ARHGEF9: variants seen among roughly 807,000 people sequenced by gnomAD.
ARHGEF9 encodes the protein Cdc42 guanine nucleotide exchange factor 9.
Under a neutral mutation model 41.3 loss-of-function variants are expected in ARHGEF9, and 2 were observed. The ratio of observed to expected loss-of-function variants is 0.05; its 90% CI spans 0.02 to 0.15. The LOEUF is 0.15. ARHGEF9 is among the 10% of genes least tolerant of loss of function. The pLI is 1.00. For synonymous variants in ARHGEF9, 160 were observed against 154.4 expected (o/e 1.04, Z -0.27); for missense variants, 225 against 424.7 (o/e 0.53, Z 4.13).
At chrX:63,754,357 CCT>C (rs781897752) in intron 1 of ARHGEF9, 37 of 1,207,122 alleles carry the variant, frequency 3.1e-5, no homozygotes, top group East Asian at 5.9e-5. Context: ...CGTTTTCCCC[CCT>C]GAGTAAGAAA....
chrX:63,724,613 T>C lies in ARHGEF9; in HGVS notation c.129A>G (p.Lys43=). ...AATCCTTGTTGGAAGCATCCAAGAC[T>C]TTGATGACGTCGCCAGCTTTAAATG... is the stretch of plus-strand genomic sequence containing the variant. ...ELAFKAGDVI[K]VLDASNKDWW... Residue 43 remains lysine (K), a synonymous_variant, in exon 2 of 10, where the codon AAA becomes AAG. Coordinates refer to ENST00000671741, the MANE Select transcript of ARHGEF9 (RefSeq NM_001353921.2). 1 of 1,211,402 alleles carries C rather than the reference T, an allele frequency of 8.3e-7. No individual in the cohort carries two copies.
intron 1 of ARHGEF9, chrX:63,727,566 C>G (rs143673276): frequency 8.9e-6 from 1 of 111,812 alleles, no homozygotes; most frequent in Non-Finnish European, 1.9e-5. Flanking sequence ...AAGTAACTTG[C>G]CTACAGTCAT....
chrX:63,728,614 A>C (rs1334340967), intron 1 of ARHGEF9, among the ~76,000 whole-genome samples: 2 of 112,351 alleles, frequency 1.8e-5, no homozygotes, highest in African/African-American at 6.5e-5. Context: ...AGAGTTTCTA[A>C]CTATACAACC....
chrX:63,752,292 T>C (rs1399330407), intron 1 of ARHGEF9, among the ~76,000 whole-genome samples: 1 of 96,992 alleles, frequency 1.0e-5, no homozygotes, highest in Non-Finnish European at 2.0e-5. Flanking sequence ...AATGCCAATG[T>C]TACTGGGAAT....
chrX:63,720,814 A>T (rs1569489334), intron 2 of ARHGEF9, among the ~76,000 whole-genome samples: 4 of 112,550 alleles, frequency 3.6e-5, no homozygotes, highest in African/African-American at 1.3e-4. Context: ...TGCTTCTTTA[A>T]AAATATGAAT....
intron 4 of ARHGEF9, among the ~76,000 whole-genome samples, chrX:63,693,393 C>T (rs1317823736): frequency 2.7e-5 from 3 of 110,477 alleles, no homozygotes; most frequent in East Asian, 2.8e-4. Context: ...GGATGGATCA[C>T]GAGGTCAGGA....
At position 63,706,123 on chromosome X, in the gene ARHGEF9, G is replaced by T; in HGVS notation, c.402+135C>A. The stretch of plus-strand genomic sequence containing the variant: ...GCAGTTTTACCTCACTGACCCTAAG[G>T]AAGCAGTTTCACCTCACTGAACAGA... On this transcript the variant is annotated intron_variant, in intron 3 of 9. Transcript: ENST00000671741. 3 of 642,506 alleles carry T rather than the reference G, an allele frequency of 4.7e-6. No individual in the cohort carries two copies. The South Asian group carries it at 8.5e-5, about 18-fold the overall frequency. The allele number at this position is 642,506 out of a possible 1,213,427, so 52.9% of individuals were successfully genotyped here. A position where few individuals can be genotyped will look rare whatever the true frequency, so the allele number is the denominator to read the frequency against.
chrX:63,659,818 C>G (rs781888884), intron 7 of ARHGEF9, among the ~76,000 whole-genome samples: 1 of 111,813 alleles, frequency 8.9e-6, no homozygotes, highest in African/African-American at 3.2e-5. Context: ...CCTAAATGCT[C>G]TGCATTTATT....
chrX:63,685,304 C>T (rs1397812155), intron 4 of ARHGEF9, among the ~76,000 whole-genome samples: 2 of 110,461 alleles, frequency 1.8e-5, no homozygotes, highest in Non-Finnish European at 3.8e-5. Flanking sequence ...AAAAACAATC[C>T]TGGGAGAAAT....
At chrX:63,753,158 C>G (rs1278114351) in intron 1 of ARHGEF9, among the ~76,000 whole-genome samples, 1 of 111,993 alleles carries the variant, frequency 8.9e-6, no homozygotes. Context: ...CAACAGAAAC[C>G]ACCACCACCA....
At chrX:63,701,675 A>C (rs782179341) in intron 3 of ARHGEF9, 5 of 112,200 alleles carry the variant, frequency 4.5e-5, no homozygotes, top group Non-Finnish European at 7.5e-5. Flanking sequence ...ATTCAAAAAC[A>C]AGAGAATAAA....
At chrX:63,783,981 G>A (rs1385265196) in intron 1 of ARHGEF9, among the ~76,000 whole-genome samples, 1 of 111,907 alleles carries the variant, frequency 8.9e-6, no homozygotes, top group Non-Finnish European at 1.9e-5. Context: ...CTGAGGAAGG[G>A]AAGAGGACAG....
At position 63,733,908 on chromosome X, in the gene ARHGEF9, C is replaced by G. The variant is rs1224166852; in HGVS notation, c.31-9197G>C. On this transcript the variant is annotated intron_variant, in intron 1 of 9. Transcript: ENST00000671741. ...TTTTAGCTTGGAAAACCCAGAGAAG[C>G]CCCTTAGGGCATGATGCCATCCAGA... Among the ~76,000 whole-genome samples the G allele has an allele frequency of 1.2e-4, 13 of 112,121 alleles. No individual in the cohort carries two copies. In the East Asian group the frequency reaches 3.7e-3, roughly 31 times the overall value.
intron 1 of ARHGEF9, among the ~76,000 whole-genome samples, chrX:63,743,842 C>G (rs1237231212): frequency 1.8e-5 from 2 of 111,911 alleles, no homozygotes; most frequent in Non-Finnish European, 3.8e-5. Flanking sequence ...TTAGTCTGCT[C>G]TTCATAGCAG....
chrX:63,755,287 G>A (rs2055893339), intron 1 of ARHGEF9: 1 of 876,258 alleles, frequency 1.1e-6, no homozygotes. Context: ...AGCCGCGACC[G>A]CCAATCAGAG....
chrX:63,734,685 C>T (rs1393568020), intron 1 of ARHGEF9, among the ~76,000 whole-genome samples: 2 of 111,509 alleles, frequency 1.8e-5, no homozygotes, highest in Non-Finnish European at 3.8e-5. Flanking sequence ...GGTGGCCTGT[C>T]GGAGAGGATT....
At chrX:63,734,137 C>T (rs2054475525) in intron 1 of ARHGEF9, among the ~76,000 whole-genome samples, 1 of 111,906 alleles carries the variant, frequency 8.9e-6, no homozygotes, top group African/African-American at 3.3e-5. Flanking sequence ...TGAAGTGAGA[C>T]CCAGCTGCTG....
At chrX:63,644,755 TA>T (rs1556310624) in intron 8 of ARHGEF9, among the ~76,000 whole-genome samples, 1 of 100,748 alleles carries the variant, frequency 9.9e-6, no homozygotes, top group Non-Finnish European at 1.9e-5. Flanking sequence ...CTTCTATTAT[TA>T]TTATTATTTT....
intron 6 of ARHGEF9, 95 bp from the exon 7 acceptor site, chrX:63,666,112 G>C: frequency 8.9e-7 from 1 of 1,117,972 alleles, no homozygotes; most frequent in South Asian, 1.8e-5. Flanking sequence ...GACTGGGATA[G>C]GAAGAGGCCA....
Sources: gnomAD v4.1 joint callset for allele counts (sites outside exome capture counted in the v4.1 genomes callset) on GRCh38, gnomAD v4.1.1 for gene constraint, MANE v1.5 for transcripts, NCBI Gene and HGNC (gene_info 2026-07-23, HGNC 2026-07-21) for gene names.